The following SACS variants were observed in gnomAD, a reference collection of about 807,000 sequenced individuals.
SACS encodes the protein sacsin.
A neutral mutation model predicts 348.0 loss-of-function variants in SACS; 197 were observed. The observed-to-expected ratio is 0.57, with a 90% CI of 0.50 to 0.64. SACS has a LOEUF of 0.64. Ranked by LOEUF, SACS falls within the 30% of genes least tolerant of loss-of-function variation. The pLI is 0.00. For synonymous variants in SACS, 1,985 were observed against 1,910.6 expected (o/e 1.04, Z -1.02); for missense variants, 4,999 against 5,360.8 (o/e 0.93, Z 2.11).
chr13:23,415,062 C>T (rs1446358820), intron 1 of SACS, among the ~76,000 whole-genome samples: 2 of 152,000 alleles, frequency 1.3e-5, no homozygotes, highest in Non-Finnish European at 2.9e-5. Context: ...GATGGAGTCT[C>T]GCTCTGTTGC....
chr13:23,349,848 TG>T (rs779425265), intron 9 of SACS, among the ~76,000 whole-genome samples: 6 of 152,204 alleles, frequency 3.9e-5, no homozygotes, highest in South Asian at 4.1e-4. Context: ...AGCCCAGATC[TG>T]GGTAACTACA....
chr13:23,389,536 G>T (rs1872444129), intron 2 of SACS, among the ~76,000 whole-genome samples: 1 of 152,134 alleles, frequency 6.6e-6, no homozygotes, highest in African/African-American at 2.4e-5. Flanking sequence ...ACTTAATATG[G>T]TATCTGCAAA....
intron 1 of SACS, chr13:23,427,721 G>C (rs754527855): frequency 6.6e-6 from 1 of 152,282 alleles, no homozygotes; most frequent in Non-Finnish European, 1.5e-5. Context: ...CAGGAGAAGA[G>C]TGTGGGAAGT....
chr13:23,416,345 G>A (rs1310357358), intron 1 of SACS, among the ~76,000 whole-genome samples: 3 of 152,018 alleles, frequency 2.0e-5, no homozygotes, highest in South Asian at 2.1e-4. Context: ...ATAAAGATGA[G>A]AGCAGAATTA....
chr13:23,424,227 TA>T (rs1417253240), intron 1 of SACS, among the ~76,000 whole-genome samples: 11 of 152,194 alleles, frequency 7.2e-5, no homozygotes, highest in African/African-American at 2.7e-4. Context: ...TTGGAGAATC[TA>T]AGAAAGGAGA....
rs1162839945 is a variant in SACS at position 23,333,258 on chromosome 13, A to G, written c.10618T>C (p.Phe3540Leu). The change falls in exon 10 of 10, where the codon TTC becomes CTC. Residue 3540 changes from phenylalanine (F) to leucine (L), a missense_variant. Around this residue, in one of 6 missense-constraint regions of SACS, gnomAD observed 831 missense variants for 941.8 expected, o/e 0.88. Coordinates refer to ENST00000382292, the MANE Select transcript of SACS (RefSeq NM_014363.6). ...ANSRLKQAKHFYDRTVRVFEV... is the reference protein window; with the variant it reads ...ANSRLKQAKHLYDRTVRVFEV... ...AAAACTCTCACAGTTCTATCATAGA[A>G]ATGCTTTGCTTGCTTTAGTCTACTG... The G allele has an allele frequency of 6.2e-7, 1 of 1,600,930 alleles. No individual in the cohort carries two copies. Among genetic ancestry groups the G allele is most frequent in the Non-Finnish European group, 8.5e-7 (1 of 1,175,134 alleles).
rs1044889300 is a variant in SACS at position 23,411,518 on chromosome 13, A to G, written c.-279T>C. On this transcript the variant is annotated 5_prime_UTR_variant, in exon 2 of 10. Coordinates refer to ENST00000382292, the MANE Select transcript of SACS (RefSeq NM_014363.6). ...CCCATGGAAGTTCTCAGGATAAAAC[A>G]GTGTGGATTCGCTAAAGGTTTTTGG... 23 of 444,930 alleles carry G rather than the reference A, an allele frequency of 5.2e-5. 1 individual carries two copies. The South Asian group carries it at 8.8e-4, about 17-fold the overall frequency. The allele number at this position is 444,930 out of a possible 1,614,324, so 27.6% of individuals were successfully genotyped here.
chr13:23,387,112 A>G (rs923599828), intron 2 of SACS, among the ~76,000 whole-genome samples: 3 of 152,058 alleles, frequency 2.0e-5, no homozygotes, highest in Non-Finnish European at 4.4e-5. Flanking sequence ...TGTTGGGAAA[A>G]TGGTGCCAAC....
In SACS at chr13:23,336,350, T is replaced by C. The variant is rs1384124641; in HGVS notation, c.7526A>G (p.Tyr2509Cys). ...VPKRHKALER[Y>C]ASNVCFTTLG... ...TGTTGTAAAACAGACATTGGATGCA[T>C]ATCTTTCTAAGGCTTTGTGTCGCTT... Residue 2509 changes from tyrosine to cysteine, a missense_variant, in exon 10 of 10, where the codon TAT becomes TGT. Coordinates refer to ENST00000382292, the MANE Select transcript of SACS (RefSeq NM_014363.6). The C allele has an allele frequency of 2.5e-6, 4 of 1,614,104 alleles. No homozygotes were observed. The highest frequency in any genetic ancestry group is 3.4e-6 in the Non-Finnish European group (4 of 1,179,958).
chr13:23,360,183 C>T (rs909297365), intron 6 of SACS, among the ~76,000 whole-genome samples: 4 of 152,090 alleles, frequency 2.6e-5, no homozygotes, highest in Non-Finnish European at 5.9e-5. Flanking sequence ...GCAGAGCAGA[C>T]CCCTAAAAAC....
At chr13:23,428,320 A>G (rs1243729229) in intron 1 of SACS, 6 of 152,250 alleles carry the variant, frequency 3.9e-5, no homozygotes, top group African/African-American at 1.2e-4. Context: ...TTATCAGCGA[A>G]GTAATCATCT....
chr13:23,344,046 T>G (rs898262368), intron 9 of SACS, among the ~76,000 whole-genome samples: 1 of 152,208 alleles, frequency 6.6e-6, no homozygotes, highest in Admixed American at 6.6e-5. Flanking sequence ...GCTTGACTAG[T>G]ATAGCCTGTT....
chr13:23,329,661 TG>T lies in SACS; in HGVS notation c.*474del, dbSNP rs1271533910. On this transcript the variant is annotated 3_prime_UTR_variant, in exon 10 of 10. Coordinates refer to ENST00000382292, the MANE Select transcript of SACS (RefSeq NM_014363.6). The stretch of plus-strand genomic sequence containing the variant: ...CAACAAATTCATGATCAGAGCCAGC[TG>T]ATGAGAAAATAACGCATCCAAGAGG... 1.8e-4 allele frequency: 94 copies of T among 528,972 alleles called. No individual in the cohort carries two copies. The highest frequency in any genetic ancestry group is 1.7e-3 in the African/African-American group (87 of 51,086). The allele number at this position is 528,972 out of a possible 1,614,324, so 32.8% of individuals were successfully genotyped here.
chr13:23,399,114 T>C (rs1593172905), intron 2 of SACS, among the ~76,000 whole-genome samples: 1 of 150,992 alleles, frequency 6.6e-6, no homozygotes, highest in East Asian at 2.0e-4. Context: ...CATTCTAAAG[T>C]TCACCTTAAT....
rs757583754 is a variant in SACS at position 23,339,330 on chromosome 13, C to T, written c.4546G>A (p.Ala1516Thr). 1 of 1,612,488 alleles carries T rather than the reference C, an allele frequency of 6.2e-7. No individual in the cohort carries two copies. The highest frequency in any genetic ancestry group is 1.1e-5 in the South Asian group (1 of 90,594). ...RENLLDPGMA[A>T]CHGPALWSFN... The stretch of plus-strand genomic sequence containing the variant: ...GACCACAAAGCAGGTCCATGACAAG[C>T]TGCCATCCCTGGGTCTAGGAGATTC... The change falls in exon 10 of 10, where the codon GCT becomes ACT. Residue 1516 changes from alanine (A) to threonine (T), a missense_variant. By Grantham distance (58) the Ala-to-Thr change is moderately conservative. This residue lies in a region of SACS where 3,156 missense variants were observed against 3,380.1 expected (regional missense o/e 0.93). Transcript: ENST00000382292.
At chr13:23,413,106 T>C (rs34544909) in intron 1 of SACS, among the ~76,000 whole-genome samples, 11,665 of 152,164 alleles carry the variant, frequency 0.077, 565 homozygotes, top group South Asian at 0.13. Flanking sequence ...GCCTCCTGAG[T>C]AGCTGGGATT....
intron 1 of SACS, among the ~76,000 whole-genome samples, chr13:23,412,500 A>G (rs558567717): frequency 5.6e-5 from 8 of 142,738 alleles, no homozygotes; most frequent in African/African-American, 7.9e-5. Context: ...TGCAACATCT[A>G]CCTCCCGAGT....
intron 3 of SACS, among the ~76,000 whole-genome samples, chr13:23,372,318 A>T (rs1871443833): frequency 6.6e-6 from 1 of 152,242 alleles, no homozygotes; most frequent in Admixed American, 6.5e-5. Flanking sequence ...TGCATAGAAC[A>T]GTATCTGTAA....
intron 7 of SACS, among the ~76,000 whole-genome samples, chr13:23,357,878 C>T (rs1048181847): frequency 5.9e-5 from 9 of 152,172 alleles, no homozygotes; most frequent in African/African-American, 2.2e-4. Flanking sequence ...ACCAGAACCA[C>T]CTCAAAGATT....
Sources: allele counts gnomAD v4.1 joint callset (sites outside exome capture counted in the v4.1 genomes callset), GRCh38; gene constraint gnomAD v4.1.1; regional missense constraint gnomAD v4.1.1; transcripts MANE v1.5; gene names NCBI Gene and HGNC (gene_info 2026-07-23, HGNC 2026-07-21).